The following ROCK1 variants were observed in gnomAD, a reference collection of about 807,000 sequenced individuals.
ROCK1 encodes the protein rho-associated protein kinase 1.
In ROCK1, 36 loss-of-function variants were observed where a neutral mutation model predicts 196.8. The observed-to-expected ratio is 0.18, with a 90% CI of 0.14 to 0.24. The LOEUF (loss-of-function observed/expected upper bound fraction) is 0.24. ROCK1 is among the 10% of genes least tolerant of loss of function. The probability of loss-of-function intolerance (pLI) is 1.00; values close to 1 mark genes in which losing one functional copy is unlikely to be tolerated. For synonymous variants in ROCK1, 443 were observed against 515.9 expected, an observed-to-expected ratio of 0.86 and a Z score of 1.91; for missense variants, 920 against 1,562.0, an observed-to-expected ratio of 0.59 and a Z score of 6.93.
chr18:21,008,460 G>GTC (rs1231305066), intron 13 of ROCK1, among the ~76,000 whole-genome samples: 1 of 152,214 alleles, frequency 6.6e-6, no homozygotes, highest in Non-Finnish European at 1.5e-5. Flanking sequence ...TTTTGGTAGA[G>GTC]ACGGCTTTTG....
intron 2 of ROCK1, among the ~76,000 whole-genome samples, chr18:21,051,426 T>C (rs997139983): frequency 6.6e-6 from 1 of 151,874 alleles, no homozygotes; most frequent in African/African-American, 2.4e-5. Flanking sequence ...TGCACTCCAG[T>C]CTGGGCGACA....
Position 20,958,995 on chromosome 18 carries a change from AAT to A in ROCK1, c.3512+843_3512+844del, listed in dbSNP as rs1310692754. 1.8e-3 allele frequency among the ~76,000 whole-genome samples: 152 copies of A among 84,566 alleles called. 1 individual carries two copies. The East Asian group carries it at 0.033, about 18-fold the overall frequency. 55.5% of individuals were successfully genotyped at this position (84,566 alleles called of 152,430 possible). ...ATAATATATATATTTTATAAAAAAT[AAT>A]ATATATATTTTATATAATATATATA... On this transcript the variant is annotated intron_variant, in intron 29 of 32. Coordinates refer to ENST00000399799, the MANE Select transcript of ROCK1 (RefSeq NM_005406.3).
At chr18:21,110,694 A>C (rs2036743165) in intron 1 of ROCK1, 124 bp downstream of exon 1, 2 of 783,032 alleles carry the variant, frequency 2.6e-6, no homozygotes, top group African/African-American at 3.5e-5. Flanking sequence ...TTCAGGAAAC[A>C]GAAATCTAGC....
At position 20,991,242 on chromosome 18, in the gene ROCK1, C is replaced by T; in HGVS notation, c.2077G>A (p.Val693Ile). The stretch of plus-strand genomic sequence containing the variant: ...TTGTCAGTTAAACGAGCTTTGGTTA[C>T]TTTGTGTTCATTTACCTCTTGTTCT... ...RLEQEVNEHKVTKARLTDKHQ... is the reference protein window; with the variant it reads ...RLEQEVNEHKITKARLTDKHQ... Residue 693 changes from valine to isoleucine, a missense_variant, in exon 18 of 33, where the codon GTA becomes ATA. Coordinates refer to ENST00000399799, the MANE Select transcript of ROCK1 (RefSeq NM_005406.3). The T allele has an allele frequency of 6.2e-7, 1 of 1,612,998 alleles. No homozygotes were observed. The highest frequency in any genetic ancestry group is 8.5e-7 in the Non-Finnish European group (1 of 1,179,380).
At chr18:21,006,662 A>G (rs2035771842) in intron 15 of ROCK1, 37 bp downstream of exon 15, 1 of 1,582,292 alleles carries the variant, frequency 6.3e-7, no homozygotes, top group Non-Finnish European at 8.5e-7. Flanking sequence ...AATTATCTAC[A>G]ATTTTTTTAA....
chr18:20,981,445 A>G (rs1169315563), intron 21 of ROCK1, among the ~76,000 whole-genome samples: 1 of 152,196 alleles, frequency 6.6e-6, no homozygotes, highest in Non-Finnish European at 1.5e-5. Context: ...TTCTGCTAAC[A>G]TATCTATAAT....
chr18:21,070,331 T>C (rs1039430644), intron 2 of ROCK1, among the ~76,000 whole-genome samples: 1 of 152,192 alleles, frequency 6.6e-6, no homozygotes, highest in Non-Finnish European at 1.5e-5. Context: ...TAACTATTTT[T>C]CATCCCTTTC....
intron 1 of ROCK1, among the ~76,000 whole-genome samples, chr18:21,093,052 C>T (rs1336442077): frequency 6.6e-6 from 1 of 152,206 alleles, no homozygotes; most frequent in Non-Finnish European, 1.5e-5. Flanking sequence ...GACTGGAGCA[C>T]ATGATGCAGA....
intron 13 of ROCK1, among the ~76,000 whole-genome samples, chr18:21,009,220 G>A (rs537443060): frequency 2.6e-5 from 3 of 115,192 alleles, no homozygotes; most frequent in African/African-American, 1.0e-4. Context: ...TCACCATGTT[G>A]GCCAGGATGG....
chr18:20,958,992 A>AATAATATATATATTTTATATAATATAT (rs1241510070), intron 29 of ROCK1, among the ~76,000 whole-genome samples: 5 of 81,434 alleles, frequency 6.1e-5, no homozygotes, highest in Non-Finnish European at 1.1e-4. Context: ...TTTTATAAAA[A>AATAATATATATATTTTATATAATATAT]ATAATATATA....
intron 1 of ROCK1, among the ~76,000 whole-genome samples, chr18:21,070,829 G>A (rs1467312660): frequency 6.6e-6 from 1 of 152,122 alleles, no homozygotes; most frequent in Non-Finnish European, 1.5e-5. Context: ...AGGCCCAGGG[G>A]CAAGAAAATT....
At chr18:21,065,488 G>C (rs2036326342) in intron 2 of ROCK1, among the ~76,000 whole-genome samples, 1 of 151,826 alleles carries the variant, frequency 6.6e-6, no homozygotes, top group Non-Finnish European at 1.5e-5. Flanking sequence ...TGATAAACAT[G>C]TTTTTCTATT....
At chr18:20,978,081 T>C (rs865850855) in intron 22 of ROCK1, among the ~76,000 whole-genome samples, 23 of 152,252 alleles carry the variant, frequency 1.5e-4, no homozygotes, top group Admixed American at 6.5e-5. Flanking sequence ...ATCAACTCGA[T>C]TAAGGCAACT....
At chr18:20,952,469 A>G (rs1451984158) in intron 32 of ROCK1, among the ~76,000 whole-genome samples, 1 of 151,802 alleles carries the variant, frequency 6.6e-6, no homozygotes, top group African/African-American at 2.4e-5. Context: ...ATATTTTTGG[A>G]AAAAAGTCCA....
In ROCK1 at chr18:21,050,462, T is replaced by C. The variant is rs556024686; in HGVS notation, c.176-582A>G. Among the ~76,000 whole-genome samples, 4 of 152,258 alleles carry C rather than the reference T, an allele frequency of 2.6e-5. No individual in the cohort carries two copies. The South Asian group carries it at 8.3e-4, about 32-fold the overall frequency. On this transcript the variant is annotated intron_variant, in intron 2 of 32. Transcript: ENST00000399799. ...CACACAGTGAAAATCACTGCAATTA[T>C]TTATATAAACTTGTCATACTACAAA...
At chr18:20,986,435 T>C (rs145966813) in intron 19 of ROCK1, among the ~76,000 whole-genome samples, 1 of 152,310 alleles carries the variant, frequency 6.6e-6, no homozygotes, top group African/African-American at 2.4e-5. Context: ...TACATCTTCT[T>C]GAAAAGGCTT....
chr18:20,949,061 T>C lies in ROCK1; in HGVS notation c.*2323A>G, dbSNP rs965419911. ...TTAGAAGAGGAAGCAGCTCTCCTGG[T>C]TGACCCAGTTCTGTAATGTGGCATT... On this transcript the variant is annotated 3_prime_UTR_variant, in exon 33 of 33. Transcript: ENST00000399799. The C allele has an allele frequency of 6.6e-6, 1 of 152,194 alleles. No individual in the cohort carries two copies. The highest frequency in any genetic ancestry group is 1.5e-5 in the Non-Finnish European group (1 of 68,032). 9.4% of individuals were successfully genotyped at this position (152,194 alleles called of 1,614,324 possible).
intron 1 of ROCK1, among the ~76,000 whole-genome samples, chr18:21,091,125 T>G (rs1404962645): frequency 2.6e-5 from 4 of 151,884 alleles, no homozygotes; most frequent in African/African-American, 7.3e-5. Context: ...CTCTTCCCTC[T>G]CTGCCACCCC....
intron 1 of ROCK1, among the ~76,000 whole-genome samples, chr18:21,077,005 C>T (rs1361616141): frequency 1.5e-5 from 2 of 130,036 alleles, no homozygotes; most frequent in African/African-American, 2.9e-5. Flanking sequence ...CTCGCTCTGT[C>T]GCCCAGGCCG....
Sources: gnomAD v4.1 joint callset for allele counts (sites outside exome capture counted in the v4.1 genomes callset) on GRCh38, gnomAD v4.1.1 for gene constraint, MANE v1.5 for transcripts, NCBI Gene and HGNC (gene_info 2026-07-23, HGNC 2026-07-21) for gene names.